Variants in RBFOX1 observed in about 807,000 individuals in gnomAD.
The protein encoded by RBFOX1 is RNA binding fox-1 homolog 1.
Under a neutral mutation model 57.7 loss-of-function variants are expected in RBFOX1, and 8 were observed. The observed-to-expected ratio is 0.14, with a 90% CI of 0.08 to 0.25. The LOEUF (loss-of-function observed/expected upper bound fraction) is 0.25. Ranked by LOEUF, RBFOX1 falls within the 10% of genes least tolerant of loss-of-function variation. The pLI is 1.00. For synonymous variants in RBFOX1, 326 were observed against 222.4 expected, an observed-to-expected ratio of 1.47 and a Z score of -4.15; for missense variants, 611 against 548.5, an observed-to-expected ratio of 1.11 and a Z score of -1.14.
At chr16:6,661,379 C>G (rs907013373) in intron 3 of RBFOX1, among the ~76,000 whole-genome samples, 1 of 151,980 alleles carries the variant, frequency 6.6e-6, no homozygotes, top group African/African-American at 2.4e-5. Flanking sequence ...ATGTTTATGG[C>G]GAATGCAAGT....
Position 5,991,992 on chromosome 16 carries a change from G to C in RBFOX1, c.351+124657G>C, listed in dbSNP as rs75086509. 7.6e-4 allele frequency among the ~76,000 whole-genome samples: 116 copies of C among 152,230 alleles called. 1 individual carries two copies. The East Asian group carries it at 0.022, about 28-fold the overall frequency. On this transcript the variant is annotated intron_variant, in intron 4 of 19. Transcript: ENST00000641259. ...CACACAGGCTAGAGAGAATCAGGTA[G>C]TGAGAAAAAAATACAGAGATTTGTA...
chr16:7,265,163 C>G (rs1380430337), intron 4 of RBFOX1, among the ~76,000 whole-genome samples: 1 of 152,206 alleles, frequency 6.6e-6, no homozygotes, highest in Non-Finnish European at 1.5e-5. Flanking sequence ...TTATCTTAGT[C>G]TATCCAGTTG....
At position 5,971,173 on chromosome 16, in the gene RBFOX1, A is replaced by T. The variant is rs1427456533; in HGVS notation, c.351+103838A>T. On this transcript the variant is annotated intron_variant, in intron 4 of 19. Transcript: ENST00000641259. ...GCTAGGCACTCTGCTGGCTCTGGGG[A>T]TAGAGCAGTGAACCAGACTTACTTA... Among the ~76,000 whole-genome samples, 3 of 152,304 alleles carry T rather than the reference A, an allele frequency of 2.0e-5. No individual in the cohort carries two copies. The East Asian group carries it at 5.8e-4, about 29-fold the overall frequency.
chr16:6,457,810 G>A (rs9925560), intron 2 of RBFOX1, among the ~76,000 whole-genome samples: 2,153 of 152,230 alleles, frequency 0.014, 51 homozygotes, highest in African/African-American at 0.05. Flanking sequence ...GTGCAGCTAG[G>A]TGTTACAAAT....
intron 3 of RBFOX1, among the ~76,000 whole-genome samples, chr16:6,899,971 T>C (rs2068041971): frequency 6.6e-6 from 1 of 152,166 alleles, no homozygotes; most frequent in Non-Finnish European, 1.5e-5. Flanking sequence ...TTGGACAAGG[T>C]TAATTTGCCT....
chr16:7,576,731 CTG>C (rs1293852831), intron 5 of RBFOX1, among the ~76,000 whole-genome samples: 5 of 152,176 alleles, frequency 3.3e-5, no homozygotes, highest in African/African-American at 1.2e-4. Flanking sequence ...ATCATAATCT[CTG>C]TAATTCCTAA....
At chr16:5,548,531 G>A (rs1381790205) in intron 2 of RBFOX1, among the ~76,000 whole-genome samples, 2 of 151,934 alleles carry the variant, frequency 1.3e-5, no homozygotes, top group African/African-American at 2.4e-5. Flanking sequence ...TAACTCAGAG[G>A]ATAAATGCTT....
intron 1 of RBFOX1, among the ~76,000 whole-genome samples, chr16:5,443,358 G>C (rs567449725): frequency 2.0e-5 from 3 of 152,246 alleles, no homozygotes; most frequent in South Asian, 4.1e-4. Context: ...GTTTGTTTTA[G>C]ATGGAGTGTC....
chr16:7,032,066 C>T (rs1010915236), intron 3 of RBFOX1, among the ~76,000 whole-genome samples: 1 of 152,124 alleles, frequency 6.6e-6, no homozygotes, highest in Non-Finnish European at 1.5e-5. Context: ...TGGAAGCTGC[C>T]AGCAACTTTC....
At chr16:6,900,721 C>A (rs904308153) in intron 3 of RBFOX1, among the ~76,000 whole-genome samples, 2 of 152,168 alleles carry the variant, frequency 1.3e-5, no homozygotes, top group Non-Finnish European at 2.9e-5. Flanking sequence ...CTCCATGATG[C>A]CGTTCCTATC....
chr16:7,421,239 G>A (rs2098539909), intron 4 of RBFOX1, among the ~76,000 whole-genome samples: 1 of 141,442 alleles, frequency 7.1e-6, no homozygotes, highest in Non-Finnish European at 1.5e-5. Flanking sequence ...AAGACAAAGA[G>A]AGAGAGAACA....
chr16:5,458,272 T>C (rs1047367269), intron 1 of RBFOX1, among the ~76,000 whole-genome samples: 6 of 152,178 alleles, frequency 3.9e-5, no homozygotes, highest in African/African-American at 1.4e-4. Flanking sequence ...CTGCATGTAG[T>C]CATTTTCTAT....
intron 3 of RBFOX1, among the ~76,000 whole-genome samples, chr16:6,905,258 T>A (rs1448712131): frequency 6.6e-5 from 10 of 150,660 alleles, no homozygotes; most frequent in Non-Finnish European, 1.0e-4. Flanking sequence ...AAAAAAAAAA[T>A]TAAAAAAAAG....
At chr16:6,179,305 T>C (rs1396254625) in intron 1 of RBFOX1, among the ~76,000 whole-genome samples, 1 of 152,220 alleles carries the variant, frequency 6.6e-6, no homozygotes, top group Non-Finnish European at 1.5e-5. Flanking sequence ...TTGGTAGCTT[T>C]ACTTTCTAGA....
At chr16:6,547,662 C>T (rs962149479) in intron 2 of RBFOX1, among the ~76,000 whole-genome samples, 11 of 152,066 alleles carry the variant, frequency 7.2e-5, no homozygotes, top group East Asian at 1.9e-4. Flanking sequence ...TAAATGTGAT[C>T]GCTTTTTGAG....
At chr16:5,462,065 AC>A (rs2068805320) in intron 1 of RBFOX1, among the ~76,000 whole-genome samples, 1 of 151,986 alleles carries the variant, frequency 6.6e-6, no homozygotes, top group South Asian at 2.1e-4. Flanking sequence ...CATCACTGGC[AC>A]TAAAGATTAC....
intron 3 of RBFOX1, among the ~76,000 whole-genome samples, chr16:5,609,774 A>C (rs1454798122): frequency 6.6e-6 from 1 of 150,580 alleles, no homozygotes; most frequent in Non-Finnish European, 1.5e-5. Context: ...TGTTAATCTC[A>C]TAATATTTTT....
At chr16:5,991,057 T>C (rs551091301) in intron 4 of RBFOX1, among the ~76,000 whole-genome samples, 15 of 152,332 alleles carry the variant, frequency 9.8e-5, no homozygotes, top group Non-Finnish European at 1.8e-4. Flanking sequence ...AAAATTCTTG[T>C]GAAACAAGGA....
intron 4 of RBFOX1, among the ~76,000 whole-genome samples, chr16:7,350,113 C>G (rs2097100755): frequency 6.6e-6 from 1 of 152,036 alleles, no homozygotes; most frequent in African/African-American, 2.4e-5. Context: ...GGCCACTGTA[C>G]TCCAGCTTGG....
Sources: allele counts gnomAD v4.1 joint callset (sites outside exome capture counted in the v4.1 genomes callset), GRCh38; gene constraint gnomAD v4.1.1; transcripts MANE v1.5; gene names NCBI Gene and HGNC (gene_info 2026-07-23, HGNC 2026-07-21).